Variants in CDH4 observed in about 807,000 individuals in gnomAD.
CDH4 encodes cadherin 4.
CDH4 carries 33 observed loss-of-function variants against 86.0 expected under a neutral mutation model. That is an observed-to-expected ratio of 0.38 (90% CI 0.29 to 0.51). The LOEUF is 0.51. Among genes scored for constraint, CDH4 ranks in the 20% least tolerant of loss-of-function variants. The probability of loss-of-function intolerance (pLI) is 0.86; values close to 1 mark genes in which losing one functional copy is unlikely to be tolerated. For missense variants in CDH4, 1,114 were observed against 1,307.4 expected (o/e 0.85, Z 2.28); for synonymous variants, 555 against 549.4 (o/e 1.01, Z -0.14).
chr20:61,763,867 G>T, intron 3 of CDH4, among the ~76,000 whole-genome samples: 1 of 152,252 alleles, frequency 6.6e-6, no homozygotes, highest in Non-Finnish European at 1.5e-5. Flanking sequence ...ATAACTTTTC[G>T]CATGTAGCTT....
intron 6 of CDH4, among the ~76,000 whole-genome samples, chr20:61,857,196 T>C (rs941720183): frequency 2.0e-5 from 3 of 152,198 alleles, no homozygotes; most frequent in Admixed American, 1.3e-4. Flanking sequence ...CCCTCCATCT[T>C]CATGCGTTCC....
chr20:61,559,338 T>A (rs1250305027), intron 2 of CDH4, among the ~76,000 whole-genome samples: 7 of 151,812 alleles, frequency 4.6e-5, no homozygotes, highest in African/African-American at 1.2e-4. Context: ...AAAAAATTTT[T>A]AAAAAGTATT....
At chr20:61,660,025 C>T (rs1327309743) in intron 2 of CDH4, among the ~76,000 whole-genome samples, 3 of 151,448 alleles carry the variant, frequency 2.0e-5, no homozygotes, top group Admixed American at 6.6e-5. Flanking sequence ...CCTGCTTTTC[C>T]GGCTGTGATA....
chr20:61,667,358 G>A (rs978349364), intron 2 of CDH4, among the ~76,000 whole-genome samples: 8 of 152,234 alleles, frequency 5.3e-5, no homozygotes, highest in African/African-American at 1.9e-4. Context: ...TCACCATTCT[G>A]TGAGCCAGGG....
chr20:61,839,898 G>T (rs542363221), intron 4 of CDH4, among the ~76,000 whole-genome samples: 80 of 151,276 alleles, frequency 5.3e-4, no homozygotes, highest in African/African-American at 2.0e-3. Flanking sequence ...GTGTATGTGT[G>T]TACTGTGTGT....
At chr20:61,552,319 A>AT (rs1486387973) in intron 2 of CDH4, among the ~76,000 whole-genome samples, 3 of 152,354 alleles carry the variant, frequency 2.0e-5, no homozygotes, top group African/African-American at 7.2e-5. Flanking sequence ...AGTTTTGAAT[A>AT]TTTTTTCCAA....
chr20:61,632,976 A>T (rs994069277), intron 2 of CDH4, among the ~76,000 whole-genome samples: 1 of 150,432 alleles, frequency 6.6e-6, no homozygotes, highest in African/African-American at 2.5e-5. Context: ...ATACCCACCC[A>T]TCCATCTTCC....
chr20:61,420,621 C>T (rs570898291), intron 2 of CDH4, among the ~76,000 whole-genome samples: 25 of 152,366 alleles, frequency 1.6e-4, no homozygotes, highest in Admixed American at 2.6e-4. Context: ...CTAACAGAAA[C>T]CCATGCCCAG....
At chr20:61,541,927 C>T (rs2086042476) in intron 2 of CDH4, among the ~76,000 whole-genome samples, 2 of 152,142 alleles carry the variant, frequency 1.3e-5, no homozygotes, top group African/African-American at 4.8e-5. Context: ...CTGTTTGCTG[C>T]TTGAAGCTGG....
intron 2 of CDH4, among the ~76,000 whole-genome samples, chr20:61,257,853 C>CAT (rs1419098201): frequency 6.6e-6 from 1 of 152,226 alleles, no homozygotes; most frequent in Non-Finnish European, 1.5e-5. Context: ...AGACCCGATT[C>CAT]ATAACTCGTA....
chr20:61,444,830 C>T (rs1345638088), intron 2 of CDH4, among the ~76,000 whole-genome samples: 1 of 142,188 alleles, frequency 7.0e-6, no homozygotes, highest in Non-Finnish European at 1.5e-5. Flanking sequence ...TCTTTGTGTA[C>T]ATCTGTGTCT....
chr20:61,317,498 C>T (rs2084483022), intron 2 of CDH4, among the ~76,000 whole-genome samples: 1 of 152,164 alleles, frequency 6.6e-6, no homozygotes, highest in Non-Finnish European at 1.5e-5. Context: ...TGGCCCATTG[C>T]ATCTCCCAGC....
chr20:61,396,942 A>G lies in CDH4; in HGVS notation c.169+142005A>G, dbSNP rs148003095. Among the ~76,000 whole-genome samples, 221 of 152,264 alleles carry G rather than the reference A, an allele frequency of 1.5e-3. 1 individual carries two copies. Among genetic ancestry groups the G allele is most frequent in the African/African-American group, 5.2e-3 (215 of 41,558 alleles). On this transcript the variant is annotated intron_variant, in intron 2 of 15. Transcript: ENST00000614565. ...ACTGTTTTGTTTTTGAGACAGTCTCACTTTGTCACCCTGGCTGGAGTGCAG... is the reference window on the plus strand; with the variant it reads ...ACTGTTTTGTTTTTGAGACAGTCTCGCTTTGTCACCCTGGCTGGAGTGCAG...
chr20:61,734,969 G>A (rs2088243193), intron 2 of CDH4, among the ~76,000 whole-genome samples: 2 of 151,632 alleles, frequency 1.3e-5, no homozygotes, highest in Admixed American at 1.3e-4. Flanking sequence ...CCTCGGGCAG[G>A]CGCCTGGTGA....
intron 2 of CDH4, among the ~76,000 whole-genome samples, chr20:61,716,818 G>A (rs2087960889): frequency 6.6e-6 from 1 of 152,194 alleles, no homozygotes; most frequent in Admixed American, 6.5e-5. Flanking sequence ...TGAAGCAGGA[G>A]AATTGCTCAA....
intron 4 of CDH4, among the ~76,000 whole-genome samples, chr20:61,789,092 T>C (rs1183663728): frequency 6.6e-6 from 1 of 152,168 alleles, no homozygotes; most frequent in Non-Finnish European, 1.5e-5. Flanking sequence ...CAGGTGTGGG[T>C]TGGTCAGGCA....
chr20:61,702,408 G>A (rs777396207), intron 2 of CDH4, among the ~76,000 whole-genome samples: 7 of 152,264 alleles, frequency 4.6e-5, no homozygotes, highest in Non-Finnish European at 8.8e-5. Flanking sequence ...CTCCAGGAAC[G>A]CTCCACACAA....
intron 2 of CDH4, among the ~76,000 whole-genome samples, chr20:61,285,910 C>T (rs1398785500): frequency 6.6e-6 from 1 of 152,232 alleles, no homozygotes; most frequent in Non-Finnish European, 1.5e-5. Context: ...AACCTCTGGC[C>T]TCAGCAGGCA....
In CDH4 at chr20:61,287,873, C is replaced by T. The variant is rs138851180; in HGVS notation, c.169+32936C>T. On this transcript the variant is annotated intron_variant, in intron 2 of 15. Coordinates refer to ENST00000614565, the MANE Select transcript of CDH4 (RefSeq NM_001794.5). The stretch of plus-strand genomic sequence containing the variant: ...TTGCTGTGGAAGAGGAGCCTGAAGC[C>T]GGGAGGACAAGGCCAGTGTCCGGGT... Among the ~76,000 whole-genome samples the T allele has an allele frequency of 2.2e-4, 33 of 152,246 alleles. No individual in the cohort carries two copies. In the East Asian group the frequency reaches 3.7e-3, roughly 17 times the overall value.
Sources: allele counts gnomAD v4.1 joint callset (sites outside exome capture counted in the v4.1 genomes callset), GRCh38; gene constraint gnomAD v4.1.1; transcripts MANE v1.5; gene names NCBI Gene and HGNC (gene_info 2026-07-23, HGNC 2026-07-21).